The following MORC1 variants were observed in gnomAD, a reference collection of about 807,000 sequenced individuals.
MORC1 encodes MORC family CW-type zinc finger 1, also known as MORC family CW-type zinc finger protein 1.
Under a neutral mutation model 134.9 loss-of-function variants are expected in MORC1, and 59 were observed. That is an observed-to-expected ratio of 0.44 (90% CI 0.35 to 0.54). The LOEUF (loss-of-function observed/expected upper bound fraction) is 0.54, where lower values mean the gene tolerates loss of function less well. Among genes scored for constraint, MORC1 ranks in the 20% least tolerant of loss-of-function variants. The pLI is 0.00. For missense variants in MORC1, 947 were observed against 1,134.5 expected, an observed-to-expected ratio of 0.83 and a Z score of 2.37; for synonymous variants, 395 against 391.7, an observed-to-expected ratio of 1.01 and a Z score of -0.10.
chr3:109,000,440 T>C, intron 21 of MORC1, 117 bp downstream of exon 21: 1 of 727,846 alleles, frequency 1.4e-6, no homozygotes, highest in Admixed American at 3.1e-5. Flanking sequence ...TATTTCTTCA[T>C]CTCAAAACTA....
intron 24 of MORC1, among the ~76,000 whole-genome samples, chr3:108,974,695 T>C (rs1160990856): frequency 1.3e-5 from 2 of 152,238 alleles, no homozygotes; most frequent in Admixed American, 6.5e-5. Context: ...GTCCTTCTCT[T>C]GAAGCATTTA....
intron 21 of MORC1, 129 bp from the exon 22 acceptor site, chr3:108,987,078 C>G: frequency 1.8e-6 from 1 of 566,406 alleles, no homozygotes. Context: ...TAAAGCTATG[C>G]ACTTTTTATA....
intron 18 of MORC1, among the ~76,000 whole-genome samples, chr3:109,006,183 C>T (rs1297267783): frequency 2.6e-5 from 4 of 152,106 alleles, no homozygotes; most frequent in Non-Finnish European, 4.4e-5. Flanking sequence ...TATTACAAAA[C>T]GGGTAGGTTC....
At chr3:109,105,629 T>G (rs950585533) in intron 3 of MORC1, among the ~76,000 whole-genome samples, 2 of 142,192 alleles carry the variant, frequency 1.4e-5, no homozygotes, top group African/African-American at 5.3e-5. Context: ...CAGTAAGCTA[T>G]GATCACACCA....
chr3:109,004,036 C>G (rs1385343572), intron 20 of MORC1, among the ~76,000 whole-genome samples: 1 of 152,128 alleles, frequency 6.6e-6, no homozygotes, highest in Non-Finnish European at 1.5e-5. Context: ...CCACTGCACT[C>G]CAGCCTGGGC....
intron 4 of MORC1, 42 bp downstream of exon 4, chr3:109,103,807 T>C (rs1288204932): frequency 6.6e-7 from 1 of 1,521,092 alleles, no homozygotes; most frequent in Non-Finnish European, 9.1e-7. Flanking sequence ...TTTCAGACTG[T>C]TTCCTTTAAC....
chr3:108,998,611 T>C (rs1365348754), intron 21 of MORC1, among the ~76,000 whole-genome samples: 1 of 152,092 alleles, frequency 6.6e-6, no homozygotes, highest in African/African-American at 2.4e-5. Context: ...AGAAGATAAT[T>C]AGGAAGGAGC....
intron 8 of MORC1, among the ~76,000 whole-genome samples, chr3:109,085,544 C>T (rs1950600787): frequency 6.6e-6 from 1 of 151,974 alleles, no homozygotes. Flanking sequence ...AAATGTAAAC[C>T]AAAACCACAA....
intron 24 of MORC1, among the ~76,000 whole-genome samples, 164 bp from the exon 25 acceptor site, chr3:108,971,566 CA>C (rs1351867969): frequency 6.6e-6 from 1 of 152,076 alleles, no homozygotes; most frequent in African/African-American, 2.4e-5. Context: ...AAGTGTTCTT[CA>C]GAAAGCATAG....
chr3:109,076,494 T>G (rs1032752106), intron 8 of MORC1, among the ~76,000 whole-genome samples: 1 of 152,158 alleles, frequency 6.6e-6, no homozygotes, highest in African/African-American at 2.4e-5. Flanking sequence ...CCCAAATAAT[T>G]ATAAATTATA....
intron 3 of MORC1, 39 bp from the exon 4 acceptor site, chr3:109,103,956 T>A (rs1224142183): frequency 6.5e-7 from 1 of 1,545,938 alleles, no homozygotes; most frequent in Admixed American, 1.7e-5. Flanking sequence ...AATATCGGGC[T>A]TAATTTGTTA....
intron 23 of MORC1, among the ~76,000 whole-genome samples, chr3:108,982,591 G>A (rs1410221308): frequency 1.3e-5 from 2 of 148,696 alleles, no homozygotes; most frequent in African/African-American, 5.0e-5. Context: ...GATGGGGGGG[G>A]CAGGGGGAGG....
chr3:108,993,675 G>GT (rs1948125700), intron 21 of MORC1, among the ~76,000 whole-genome samples: 1 of 152,170 alleles, frequency 6.6e-6, no homozygotes, highest in Admixed American at 6.5e-5. Flanking sequence ...TTATGTTATT[G>GT]TACTACCTGT....
intron 11 of MORC1, among the ~76,000 whole-genome samples, chr3:109,060,252 G>A (rs1338782748): frequency 7.3e-6 from 1 of 136,478 alleles, no homozygotes. Flanking sequence ...ACCACGAAGT[G>A]TTTTTGCAGG....
In MORC1 at chr3:108,971,310, T is replaced by C. The variant is rs1292332626; in HGVS notation, c.2550+20A>G. On this transcript the variant is annotated intron_variant, in intron 25 of 27. Transcript: ENST00000232603. The stretch of plus-strand genomic sequence containing the variant: ...GGCTATTCTATCATTCCCTCACAGT[T>C]CCAAAAAAAACCAGCTTACCTCACA... The C allele has an allele frequency of 3.7e-6, 6 of 1,606,908 alleles. No homozygotes were observed. In the African/African-American group the frequency reaches 8.0e-5, roughly 22 times the overall value.
At chr3:109,055,309 T>C (rs1447647608) in intron 13 of MORC1, among the ~76,000 whole-genome samples, 1 of 152,166 alleles carries the variant, frequency 6.6e-6, no homozygotes, top group Non-Finnish European at 1.5e-5. Flanking sequence ...ATTGCAGAGG[T>C]CCTTGGGGTG....
intron 24 of MORC1, among the ~76,000 whole-genome samples, chr3:108,975,671 T>C (rs1189244469): frequency 1.3e-5 from 2 of 152,196 alleles, no homozygotes; most frequent in East Asian, 1.9e-4. Flanking sequence ...TATCTATTTA[T>C]AGGATTGTTG....
chr3:109,042,933 G>A (rs1949589246), intron 14 of MORC1, among the ~76,000 whole-genome samples: 1 of 152,070 alleles, frequency 6.6e-6, no homozygotes, highest in African/African-American at 2.4e-5. Context: ...GGAGGGGGTT[G>A]GGGAGATGTT....
At chr3:109,050,801 G>A (rs1169073770) in intron 14 of MORC1, among the ~76,000 whole-genome samples, 2 of 152,100 alleles carry the variant, frequency 1.3e-5, no homozygotes, top group East Asian at 1.9e-4. Context: ...TTCCTTTCAC[G>A]GGTGGCCTGC....
Sources: allele counts gnomAD v4.1 joint callset (sites outside exome capture counted in the v4.1 genomes callset), GRCh38; gene constraint gnomAD v4.1.1; transcripts MANE v1.5; gene names NCBI Gene and HGNC (gene_info 2026-07-23, HGNC 2026-07-21).